AFAP1: variants seen among roughly 807,000 people sequenced by gnomAD.
The protein encoded by AFAP1 is actin filament-associated protein 1.
In AFAP1, 75 loss-of-function variants were observed where a neutral mutation model predicts 93.9. That is an observed-to-expected ratio of 0.80 (90% confidence interval 0.66 to 0.97). The LOEUF is 0.97. Among genes scored for constraint, AFAP1 ranks in the 50% least tolerant of loss-of-function variants. The pLI, the probability that AFAP1 is intolerant of heterozygous loss-of-function variation, is 0.00. For synonymous variants in AFAP1, 517 were observed against 430.7 expected, an observed-to-expected ratio of 1.20 and a Z score of -2.48; for missense variants, 1,201 against 1,050.8, an observed-to-expected ratio of 1.14 and a Z score of -1.98.
intron 10 of AFAP1, among the ~76,000 whole-genome samples, chr4:7,799,724 A>C (rs2149028662): frequency 6.6e-6 from 1 of 152,312 alleles, no homozygotes; most frequent in African/African-American, 2.4e-5. Context: ...AAAAGGTCTA[A>C]AACTGGGTAG....
At chr4:7,924,504 T>C (rs534316510) in intron 1 of AFAP1, among the ~76,000 whole-genome samples, 83 of 152,340 alleles carry the variant, frequency 5.4e-4, no homozygotes, top group South Asian at 3.3e-3. Context: ...ATTTTAAATC[T>C]TCAAGATAAA....
intron 8 of AFAP1, among the ~76,000 whole-genome samples, chr4:7,810,865 T>C (rs1411218969): frequency 6.6e-6 from 1 of 152,192 alleles, no homozygotes; most frequent in Non-Finnish European, 1.5e-5. Flanking sequence ...CAGAGTCAGC[T>C]GCCAGCTGGC....
At chr4:7,789,102 C>T (rs576589360) in intron 11 of AFAP1, 1 of 152,664 alleles carries the variant, frequency 6.6e-6, no homozygotes, top group South Asian at 2.1e-4. Context: ...AGTCACCCTT[C>T]ACCCTACAGA....
intron 6 of AFAP1, among the ~76,000 whole-genome samples, chr4:7,834,887 T>C (rs1310659981): frequency 6.6e-6 from 1 of 151,748 alleles, no homozygotes; most frequent in African/African-American, 2.4e-5. Flanking sequence ...TAAGGTTACC[T>C]GGGTGGCTCT....
At chr4:7,819,510 A>C (rs1371178183) in intron 6 of AFAP1, among the ~76,000 whole-genome samples, 1 of 152,236 alleles carries the variant, frequency 6.6e-6, no homozygotes, top group Non-Finnish European at 1.5e-5. Context: ...TAAGTGCCAC[A>C]AAGAACAAAA....
intron 9 of AFAP1, among the ~76,000 whole-genome samples, chr4:7,807,016 G>A: frequency 6.6e-6 from 1 of 152,274 alleles, no homozygotes; most frequent in South Asian, 2.1e-4. Context: ...AGCACAGTTG[G>A]GTCAGAGGCT....
chr4:7,863,587 A>T (rs1357543683), intron 3 of AFAP1, among the ~76,000 whole-genome samples: 1 of 152,158 alleles, frequency 6.6e-6, no homozygotes, highest in East Asian at 1.9e-4. Context: ...TGACTTCAAA[A>T]ATTCAGAAGT....
intron 9 of AFAP1, among the ~76,000 whole-genome samples, chr4:7,808,041 C>T (rs1337126305): frequency 6.6e-6 from 1 of 152,156 alleles, no homozygotes; most frequent in Admixed American, 6.5e-5. Context: ...AAAATAAAAC[C>T]CAACACCTTG....
rs1408459579 is a variant in AFAP1, at chr4:7,758,958, CACT to C, written c.*4804_*4806del. The C allele has an allele frequency of 3.3e-5, 5 of 152,256 alleles. No individual in the cohort carries two copies. 9.4% of individuals were successfully genotyped at this position (152,256 alleles called of 1,614,324 possible). A position where few individuals can be genotyped will look rare whatever the true frequency, so the allele number is the denominator to read the frequency against. Reference sequence around the variant, plus strand: ...TATATTTACAGTCATTTGAAGTGGGCACTACTAACATATTTAATTTAAAAAAAT... The same window carrying C: ...TATATTTACAGTCATTTGAAGTGGGCACTAACATATTTAATTTAAAAAAAT... On this transcript the variant is annotated 3_prime_UTR_variant, in exon 18 of 18. Coordinates refer to ENST00000420658, the MANE Select transcript of AFAP1 (RefSeq NM_001134647.2).
chr4:7,860,676 G>A (rs1284828471), intron 3 of AFAP1, among the ~76,000 whole-genome samples: 3 of 152,168 alleles, frequency 2.0e-5, no homozygotes, highest in Non-Finnish European at 1.5e-5. Context: ...CTGCTGACCT[G>A]GAAACTGTGG....
chr4:7,795,758 G>A (rs1032872093), intron 10 of AFAP1, among the ~76,000 whole-genome samples: 1 of 151,976 alleles, frequency 6.6e-6, no homozygotes, highest in African/African-American at 2.4e-5. Context: ...CTATACCTAT[G>A]TCACTATAAC....
At chr4:7,931,447 T>C (rs906002597) in intron 1 of AFAP1, among the ~76,000 whole-genome samples, 2 of 152,010 alleles carry the variant, frequency 1.3e-5, no homozygotes, top group African/African-American at 4.8e-5. Flanking sequence ...GCTGGAGTGC[T>C]GTGGTGCAAT....
At chr4:7,828,085 G>A (rs895775332) in intron 6 of AFAP1, among the ~76,000 whole-genome samples, 1 of 152,162 alleles carries the variant, frequency 6.6e-6, no homozygotes, top group African/African-American at 2.4e-5. Flanking sequence ...GTGTCCACAG[G>A]ATTCAGGTTC....
intron 13 of AFAP1, among the ~76,000 whole-genome samples, chr4:7,780,144 C>G (rs895882959): frequency 2.6e-5 from 4 of 152,186 alleles, no homozygotes; most frequent in South Asian, 2.1e-4. Context: ...CAACACATAA[C>G]CTGACAACTT....
chr4:7,815,886 G>C (rs1720423543), intron 8 of AFAP1, 132 bp downstream of exon 8: 2 of 720,256 alleles, frequency 2.8e-6, no homozygotes, highest in South Asian at 1.9e-5. Flanking sequence ...CCTCTGCCAT[G>C]ATGACGATAT....
At chr4:7,876,446 G>A (rs1717510909) in intron 1 of AFAP1, among the ~76,000 whole-genome samples, 1 of 152,200 alleles carries the variant, frequency 6.6e-6, no homozygotes, top group Non-Finnish European at 1.5e-5. Context: ...TGAAGACTAA[G>A]AAACAGGATT....
chr4:7,764,853 G>A (rs559613002), intron 17 of AFAP1, among the ~76,000 whole-genome samples: 8 of 152,330 alleles, frequency 5.3e-5, no homozygotes, highest in African/African-American at 1.9e-4. Context: ...TGGAATCCCA[G>A]CACTTGGAGA....
chr4:7,768,126 A>C lies in AFAP1; in HGVS notation c.2418+718T>G, dbSNP rs1714875894. Among the ~76,000 whole-genome samples, 4 of 152,372 alleles carry C rather than the reference A, an allele frequency of 2.6e-5. No homozygotes were observed. In the South Asian group the frequency reaches 8.3e-4, roughly 32 times the overall value. On this transcript the variant is annotated intron_variant, in intron 17 of 17. Transcript: ENST00000420658. ...TGAGAGGAACCCACAGAGCCGGTAC[A>C]GGAGGACTCCCGTGTTCCAGCCCCT...
At chr4:7,920,412 T>A (rs1720376674) in intron 1 of AFAP1, among the ~76,000 whole-genome samples, 1 of 152,236 alleles carries the variant, frequency 6.6e-6, no homozygotes, top group Non-Finnish European at 1.5e-5. Context: ...TTGGATAAAA[T>A]TTGTAACTTC....
Sources: allele counts gnomAD v4.1 joint callset (sites outside exome capture counted in the v4.1 genomes callset), GRCh38; gene constraint gnomAD v4.1.1; transcripts MANE v1.5; gene names NCBI Gene and HGNC (gene_info 2026-07-23, HGNC 2026-07-21).